The following PPFIA1 variants were observed in gnomAD, a reference collection of about 807,000 sequenced individuals.
PPFIA1 encodes PPFI scaffold protein A1.
PPFIA1 carries 25 observed loss-of-function variants against 149.9 expected under a neutral mutation model. The observed-to-expected ratio is 0.17, with a 90% CI of 0.12 to 0.23. The LOEUF (loss-of-function observed/expected upper bound fraction) is 0.23, where lower values mean the gene tolerates loss of function less well. PPFIA1 is among the 10% of genes least tolerant of loss of function. The probability of loss-of-function intolerance (pLI) is 1.00; values close to 1 mark genes in which losing one functional copy is unlikely to be tolerated. For missense variants in PPFIA1, 1,362 were observed against 1,506.5 expected (o/e 0.90, Z 1.59); for synonymous variants, 549 against 552.8 (o/e 0.99, Z 0.10).
At chr11:70,297,401 G>T (rs1013890459) in intron 2 of PPFIA1, among the ~76,000 whole-genome samples, 6 of 151,614 alleles carry the variant, frequency 4.0e-5, no homozygotes, top group Admixed American at 2.0e-4. Context: ...AGCAAGACTT[G>T]TCTCTAAAAT....
intron 2 of PPFIA1, among the ~76,000 whole-genome samples, chr11:70,293,753 C>T (rs956811754): frequency 4.6e-5 from 7 of 152,104 alleles, no homozygotes; most frequent in Non-Finnish European, 1.0e-4. Context: ...TAAAACCATG[C>T]AGAGTGGCTC....
chr11:70,344,016 T>C (rs2055521363), intron 15 of PPFIA1, 124 bp downstream of exon 15: 3 of 907,948 alleles, frequency 3.3e-6, no homozygotes, highest in Non-Finnish European at 4.9e-6. Flanking sequence ...TAATAGAACT[T>C]ACTTAACTTC....
At chr11:70,380,335 A>G (rs185549492) in intron 26 of PPFIA1, among the ~76,000 whole-genome samples, 14 of 151,900 alleles carry the variant, frequency 9.2e-5, no homozygotes, top group Admixed American at 9.2e-4. Context: ...TGGGAGGCCA[A>G]GGCGGGAGGA....
intron 14 of PPFIA1, among the ~76,000 whole-genome samples, chr11:70,342,345 G>C (rs1430224696): frequency 6.6e-6 from 1 of 152,198 alleles, no homozygotes; most frequent in African/African-American, 2.4e-5. Context: ...AAGGTCGCCA[G>C]TTGGGAGTGA....
chr11:70,326,236 A>T, intron 5 of PPFIA1, 26 bp from the exon 6 acceptor site: 1 of 1,321,698 alleles, frequency 7.6e-7, no homozygotes, highest in Non-Finnish European at 1.1e-6. Flanking sequence ...GGTATTTTAC[A>T]CTCATATTCA....
intron 2 of PPFIA1, among the ~76,000 whole-genome samples, chr11:70,292,981 T>C (rs935562122): frequency 1.3e-5 from 2 of 152,184 alleles, no homozygotes; most frequent in Non-Finnish European, 2.9e-5. Context: ...CCTTTGAGCA[T>C]CCGGGGCAGC....
chr11:70,307,765 T>A (rs761652655), intron 2 of PPFIA1, among the ~76,000 whole-genome samples: 42 of 96,386 alleles, frequency 4.4e-4, no homozygotes, highest in African/African-American at 1.5e-3. Context: ...ACAAAAAAAA[T>A]TTTTTTTTAA....
chr11:70,308,267 C>CA (rs1204156618), intron 2 of PPFIA1, among the ~76,000 whole-genome samples: 1 of 152,178 alleles, frequency 6.6e-6, no homozygotes, highest in Non-Finnish European at 1.5e-5. Flanking sequence ...AGGCTGGTCT[C>CA]AAACTCCCGA....
chr11:70,312,602 T>C (rs73517133), intron 2 of PPFIA1, among the ~76,000 whole-genome samples: 12,000 of 152,244 alleles, frequency 0.079, 1,678 homozygotes, highest in African/African-American at 0.28. Context: ...AGGTGGTTAC[T>C]GTGCAGCCAG....
chr11:70,376,688 T>C, intron 25 of PPFIA1, 88 bp downstream of exon 25: 1 of 1,128,320 alleles, frequency 8.9e-7, no homozygotes, highest in Non-Finnish European at 1.3e-6. Context: ...ATTATTATTA[T>C]ACTTGGGACA....
At chr11:70,290,981 G>T (rs1438498903) in intron 2 of PPFIA1, among the ~76,000 whole-genome samples, 1 of 152,300 alleles carries the variant, frequency 6.6e-6, no homozygotes, top group South Asian at 2.1e-4. Context: ...TGCCTACCAG[G>T]TTCAAATGGC....
intron 13 of PPFIA1, 94 bp from the exon 14 acceptor site, chr11:70,339,077 A>G: frequency 6.8e-7 from 1 of 1,474,178 alleles, no homozygotes; most frequent in Non-Finnish European, 9.2e-7. Context: ...CCTGTGTGGA[A>G]TAACTTTTCC....
intron 16 of PPFIA1, among the ~76,000 whole-genome samples, chr11:70,349,135 CAAAAAAAAAA>C (rs749436919): frequency 1.6e-4 from 12 of 74,610 alleles, no homozygotes; most frequent in African/African-American, 5.6e-4. Flanking sequence ...CATCTACTAC[CAAAAAAAAAA>C]AAAAAAAAAA....
rs1042868722 is a variant in PPFIA1, at chr11:70,296,464, G to A, written c.264+24028G>A. ...GGAGGCCGAGGCTGGCGGACCACTC[G>A]CGGTTAGGAGCTGGAGGCCAGCCCG... is the stretch of plus-strand genomic sequence containing the variant. On this transcript the variant is annotated intron_variant, in intron 2 of 27. Coordinates refer to ENST00000253925, the MANE Select transcript of PPFIA1 (RefSeq NM_003626.5). 4.6e-5 allele frequency among the ~76,000 whole-genome samples: 7 copies of A among 152,160 alleles called. No homozygotes were observed. The East Asian group carries it at 7.7e-4, about 17-fold the overall frequency.
chr11:70,296,312 T>G (rs2052013659), intron 2 of PPFIA1, among the ~76,000 whole-genome samples: 1 of 151,936 alleles, frequency 6.6e-6, no homozygotes, highest in African/African-American at 2.4e-5. Context: ...TCTGGGCACT[T>G]TGGGAGGCCA....
chr11:70,289,801 G>C (rs140424276), intron 2 of PPFIA1, among the ~76,000 whole-genome samples: 1 of 152,340 alleles, frequency 6.6e-6, no homozygotes, highest in Admixed American at 6.5e-5. Context: ...TTCAAACCAG[G>C]TGTGGTGGCA....
At chr11:70,339,903 C>A (rs1291017201) in intron 14 of PPFIA1, among the ~76,000 whole-genome samples, 1 of 152,082 alleles carries the variant, frequency 6.6e-6, no homozygotes, top group Non-Finnish European at 1.5e-5. Context: ...ATAATCCCAG[C>A]TACTCAGAAG....
Position 70,384,188 on chromosome 11 carries a change from C to G in PPFIA1, c.*1198C>G, listed in dbSNP as rs1163389359. The G allele has an allele frequency of 6.6e-6, 1 of 152,190 alleles. No homozygotes were observed. Among genetic ancestry groups the G allele is most frequent in the Non-Finnish European group, 1.5e-5 (1 of 68,016 alleles). The allele number at this position is 152,190 out of a possible 1,614,324, so 9.4% of individuals were successfully genotyped here. A position where few individuals can be genotyped will look rare whatever the true frequency, so the allele number is the denominator to read the frequency against. ...GCGTGGTATTTATTGTGCAGCAGAT[C>G]CAGAGACAGAGGCAGCCTGTCTTTT... On this transcript the variant is annotated 3_prime_UTR_variant, in exon 28 of 28. Transcript: ENST00000253925.
At chr11:70,271,984 A>G (rs111770149) in intron 1 of PPFIA1, 189 bp from the exon 2 acceptor site, 2 of 684,518 alleles carry the variant, frequency 2.9e-6, no homozygotes, top group Non-Finnish European at 5.0e-6. Context: ...TAATGTCTTC[A>G]TGTTGTGTAT....
Sources: gnomAD v4.1 joint callset for allele counts (sites outside exome capture counted in the v4.1 genomes callset) on GRCh38, gnomAD v4.1.1 for gene constraint, MANE v1.5 for transcripts, NCBI Gene and HGNC (gene_info 2026-07-23, HGNC 2026-07-21) for gene names.